The following DIP2C variants were observed in gnomAD, a reference collection of about 807,000 sequenced individuals.
The protein encoded by DIP2C is disco-interacting protein 2 homolog C.
Under a neutral mutation model 192.4 loss-of-function variants are expected in DIP2C, and 33 were observed. The ratio of observed to expected loss-of-function variants is 0.17; its 90% CI spans 0.13 to 0.23. The LOEUF is 0.23. DIP2C is among the 10% of genes least tolerant of loss of function. The pLI, the probability that DIP2C is intolerant of heterozygous loss-of-function variation, is 1.00. For missense variants in DIP2C, 1,537 were observed against 2,110.1 expected, an observed-to-expected ratio of 0.73 and a Z score of 5.32; for synonymous variants, 979 against 864.1, an observed-to-expected ratio of 1.13 and a Z score of -2.33.
intron 9 of DIP2C, among the ~76,000 whole-genome samples, chr10:407,205 C>T (rs998726961): frequency 2.0e-5 from 3 of 152,198 alleles, no homozygotes; most frequent in Non-Finnish European, 2.9e-5. Flanking sequence ...TGGGTAGTTA[C>T]GCTCGCAGGA....
At chr10:304,909 G>A (rs139232858) in intron 32 of DIP2C, among the ~76,000 whole-genome samples, 13 of 151,950 alleles carry the variant, frequency 8.6e-5, no homozygotes, top group African/African-American at 1.4e-4. Flanking sequence ...GCATGTACTC[G>A]TGTGCACAAA....
intron 22 of DIP2C, among the ~76,000 whole-genome samples, 185 bp from the exon 23 acceptor site, chr10:358,122 G>A (rs1190638493): frequency 6.6e-6 from 1 of 152,096 alleles, no homozygotes; most frequent in Non-Finnish European, 1.5e-5. Flanking sequence ...AACAAGCCTT[G>A]GTCAGGTTCT....
intron 1 of DIP2C, among the ~76,000 whole-genome samples, chr10:601,149 C>T (rs566920213): frequency 6.8e-4 from 104 of 152,310 alleles, no homozygotes; most frequent in Middle Eastern, 3.4e-3. Flanking sequence ...TTTGGCCAAT[C>T]GCCTGCTGCA....
intron 1 of DIP2C, among the ~76,000 whole-genome samples, chr10:680,408 T>G (rs1201699869): frequency 6.6e-6 from 1 of 152,162 alleles, no homozygotes; most frequent in Non-Finnish European, 1.5e-5. Context: ...TTCAATGTAC[T>G]TGACACCCTT....
In DIP2C at chr10:431,676, A is replaced by T. The variant is rs1299498935; in HGVS notation, c.395-8643T>A. Reference sequence around the variant, plus strand: ...TCTTTTGGATCTTCTACATAGGCAAACATGCCATCTATGAACAAAGTTTTA... The same window carrying T: ...TCTTTTGGATCTTCTACATAGGCAATCATGCCATCTATGAACAAAGTTTTA... On this transcript the variant is annotated intron_variant, in intron 4 of 36. Transcript: ENST00000280886. Among the ~76,000 whole-genome samples, 3 of 151,370 alleles carry T rather than the reference A, an allele frequency of 2.0e-5. No homozygotes were observed. In the East Asian group the frequency reaches 5.8e-4, roughly 29 times the overall value.
intron 1 of DIP2C, among the ~76,000 whole-genome samples, chr10:582,716 G>T (rs1037959816): frequency 6.6e-6 from 1 of 152,192 alleles, no homozygotes. Context: ...AAGTGTTCAC[G>T]CCCTTGTGAG....
chr10:411,597 T>TA (rs2133083832), intron 8 of DIP2C, among the ~76,000 whole-genome samples: 1 of 152,248 alleles, frequency 6.6e-6, no homozygotes, highest in East Asian at 1.9e-4. Context: ...TACTCAGTAT[T>TA]AGAACAATTC....
intron 1 of DIP2C, among the ~76,000 whole-genome samples, chr10:639,374 A>C (rs1307193344): frequency 1.5e-5 from 2 of 136,298 alleles, no homozygotes; most frequent in Admixed American, 7.4e-5. Flanking sequence ...CTCACGGTCC[A>C]CACATGGGGA....
At chr10:555,958 C>A (rs1466491522) in intron 1 of DIP2C, among the ~76,000 whole-genome samples, 2 of 152,114 alleles carry the variant, frequency 1.3e-5, no homozygotes, top group Non-Finnish European at 2.9e-5. Flanking sequence ...GGGAAACAAG[C>A]CTTTGCTCCT....
intron 1 of DIP2C, among the ~76,000 whole-genome samples, chr10:499,974 G>C (rs998819902): frequency 2.0e-5 from 3 of 152,224 alleles, no homozygotes; most frequent in Admixed American, 6.5e-5. Context: ...GACTGGGGAA[G>C]GGGCCCCAAC....
In DIP2C at chr10:406,402, C is replaced by T. The variant is rs116669268; in HGVS notation, c.1149+2524G>A. Among the ~76,000 whole-genome samples the T allele has an allele frequency of 5.8e-4, 88 of 152,354 alleles. 1 individual carries two copies. Among genetic ancestry groups the T allele is most frequent in the African/African-American group, 2.1e-3 (87 of 41,584 alleles). On this transcript the variant is annotated intron_variant, in intron 9 of 36. Transcript: ENST00000280886. ...AACACGAACTTTGCATTCCTCTCCCCCAGTCCCTGGCACCTAACCTTTCTG... is the reference window on the plus strand; with the variant it reads ...AACACGAACTTTGCATTCCTCTCCCTCAGTCCCTGGCACCTAACCTTTCTG...
At chr10:522,300 T>TGTAC (rs1183624714) in intron 1 of DIP2C, among the ~76,000 whole-genome samples, 3 of 152,252 alleles carry the variant, frequency 2.0e-5, no homozygotes, top group African/African-American at 7.2e-5. Context: ...CAGTTTCTGA[T>TGTAC]GTACCACAGT....
rs116285935 is a variant in DIP2C, at chr10:504,584, C to T, written c.86-18054G>A. ...GTCTGACCATGCAGAGAAGCACCCA[C>T]GGCTCCATGACCAAGTCTGACCATG... On this transcript the variant is annotated intron_variant, in intron 1 of 36. Transcript: ENST00000280886. 2.0e-3 allele frequency among the ~76,000 whole-genome samples: 310 copies of T among 152,030 alleles called. 3 individuals are homozygous for T. The highest frequency in any genetic ancestry group is 7.2e-3 in the African/African-American group (296 of 41,390).
chr10:444,843 T>C (rs1968033668), intron 3 of DIP2C, among the ~76,000 whole-genome samples: 1 of 152,368 alleles, frequency 6.6e-6, no homozygotes, highest in East Asian at 1.9e-4. Flanking sequence ...TGAGAGAGAT[T>C]TACGTTGTTT....
At position 326,846 on chromosome 10, in the gene DIP2C, A is replaced by C. The variant is rs554285112; in HGVS notation, c.3924+160T>G. 1.9e-3 allele frequency among the ~76,000 whole-genome samples: 296 copies of C among 152,288 alleles called. 4 individuals are homozygous for C. The highest frequency in any genetic ancestry group is 2.1e-3 in the Non-Finnish European group (145 of 68,022). The stretch of plus-strand genomic sequence containing the variant: ...TGGATACGAACGTAGACTGTAGTTT[A>C]AAGAAACAGAGATCTGCACCAACCG... On this transcript the variant is annotated intron_variant, in intron 31 of 36. Transcript: ENST00000280886.
intron 1 of DIP2C, among the ~76,000 whole-genome samples, chr10:640,715 CTGCGCGCG>C (rs1564295080): frequency 3.6e-4 from 42 of 117,276 alleles, no homozygotes; most frequent in African/African-American, 1.4e-3. Context: ...GGGGAAGAGG[CTGCGCGCG>C]GGGAAGAGGG....
At chr10:387,922 TC>T in intron 13 of DIP2C, 113 bp from the exon 14 acceptor site, 1 of 1,220,404 alleles carries the variant, frequency 8.2e-7, no homozygotes, top group Non-Finnish European at 1.2e-6. Context: ...TGGGAAAATA[TC>T]ATTTTGCCGT....
At chr10:444,339 C>A (rs148583930) in intron 3 of DIP2C, among the ~76,000 whole-genome samples, 1 of 117,228 alleles carries the variant, frequency 8.5e-6, no homozygotes, top group Non-Finnish European at 1.6e-5. Flanking sequence ...GATTCTCCAC[C>A]GTCACATGGA....
chr10:685,185 TAC>T (rs1480864098), intron 1 of DIP2C, among the ~76,000 whole-genome samples: 343 of 20,118 alleles, frequency 0.017, 7 homozygotes, highest in African/African-American at 0.044. Flanking sequence ...TATATATATA[TAC>T]ATATATATAT....
Sources: allele counts gnomAD v4.1 joint callset (sites outside exome capture counted in the v4.1 genomes callset), GRCh38; gene constraint gnomAD v4.1.1; transcripts MANE v1.5; gene names NCBI Gene and HGNC (gene_info 2026-07-23, HGNC 2026-07-21).